Variants in RERE observed in about 807,000 individuals in gnomAD.
RERE encodes the protein arginine-glutamic acid dipeptide repeats protein.
In RERE, 40 loss-of-function variants were observed where a neutral mutation model predicts 146.1. The observed-to-expected ratio is 0.27, with a 90% CI of 0.21 to 0.36. The LOEUF is 0.36. RERE is among the 10% of genes least tolerant of loss of function. The probability of loss-of-function intolerance (pLI) is 1.00; values close to 1 mark genes in which losing one functional copy is unlikely to be tolerated. For missense variants in RERE, 1,933 were observed against 2,138.7 expected (o/e 0.90, Z 1.90); for synonymous variants, 1,003 against 866.0 (o/e 1.16, Z -2.78).
At chr1:8,392,012 G>A (rs912185341) in intron 12 of RERE, among the ~76,000 whole-genome samples, 1 of 152,188 alleles carries the variant, frequency 6.6e-6, no homozygotes, top group African/African-American at 2.4e-5. Flanking sequence ...GGACAGCAGA[G>A]TGAGACTCTG....
At position 8,375,911 on chromosome 1, in the gene RERE, T is replaced by A. The variant is rs557219439; in HGVS notation, c.1285-9937A>T. Reference sequence around the variant, plus strand: ...CTAAGCTAAGCCATATCTTTTTATATCTTAATATATATTTATCTTTTACAT... The same window carrying A: ...CTAAGCTAAGCCATATCTTTTTATAACTTAATATATATTTATCTTTTACAT... On this transcript the variant is annotated intron_variant, in intron 12 of 22. Coordinates refer to ENST00000400908, the MANE Select transcript of RERE (RefSeq NM_001042681.2). 3.9e-5 allele frequency among the ~76,000 whole-genome samples: 6 copies of A among 152,382 alleles called. No homozygotes were observed. The South Asian group carries it at 1.2e-3, about 32-fold the overall frequency.
At chr1:8,376,854 A>C (rs927786586) in intron 12 of RERE, among the ~76,000 whole-genome samples, 4 of 152,250 alleles carry the variant, frequency 2.6e-5, no homozygotes, top group African/African-American at 9.6e-5. Flanking sequence ...CTGCGGCTCA[A>C]AACCGTACAG....
chr1:8,426,113 C>T (rs1570213682), intron 11 of RERE, among the ~76,000 whole-genome samples: 1 of 152,170 alleles, frequency 6.6e-6, no homozygotes, highest in East Asian at 1.9e-4. Context: ...GTACTTTCCT[C>T]TTCTCGGGTC....
chr1:8,661,234 A>C lies in RERE; in HGVS notation c.-144-4793T>G, dbSNP rs180772108. Among the ~76,000 whole-genome samples, 400 of 152,298 alleles carry C rather than the reference A, an allele frequency of 2.6e-3. 2 individuals are homozygous for C. The highest frequency in any genetic ancestry group is 9.1e-3 in the African/African-American group (380 of 41,554). On this transcript the variant is annotated intron_variant, in intron 1 of 22. Coordinates refer to ENST00000400908, the MANE Select transcript of RERE (RefSeq NM_001042681.2). Reference sequence around the variant, plus strand: ...GAGGGGAAAAAGTGCAAGGTCCAGAAGCAGGAATGAGCCAGGCCCACTCAA... The same window carrying C: ...GAGGGGAAAAAGTGCAAGGTCCAGACGCAGGAATGAGCCAGGCCCACTCAA...
intron 4 of RERE, among the ~76,000 whole-genome samples, chr1:8,601,668 ACAC>A (rs1310378216): frequency 1.1e-4 from 15 of 130,838 alleles, no homozygotes; most frequent in African/African-American, 4.0e-4. Context: ...ACACACACAC[ACAC>A]ATCTTCCTTC....
At position 8,448,484 on chromosome 1, in the gene RERE, C is replaced by T. The variant is rs543892610; in HGVS notation, c.1203+17441G>A. 5.3e-5 allele frequency among the ~76,000 whole-genome samples: 8 copies of T among 152,214 alleles called. No homozygotes were observed. The South Asian group carries it at 1.7e-3, about 32-fold the overall frequency. On this transcript the variant is annotated intron_variant, in intron 11 of 22. Coordinates refer to ENST00000400908, the MANE Select transcript of RERE (RefSeq NM_001042681.2). ...AAAAGGGGGAAAAAAAAAGGCCAGG[C>T]GCAGTGGCTCACGCCTGTAATCCCA... is the stretch of plus-strand genomic sequence containing the variant.
chr1:8,447,198 C>CT (rs1422423156), intron 11 of RERE, among the ~76,000 whole-genome samples: 2 of 151,552 alleles, frequency 1.3e-5, no homozygotes, highest in Admixed American at 6.6e-5. Flanking sequence ...TTCCTCTAAC[C>CT]TTTTTTCAAG....
intron 12 of RERE, among the ~76,000 whole-genome samples, chr1:8,377,511 G>A (rs1317379972): frequency 6.6e-6 from 1 of 151,892 alleles, no homozygotes; most frequent in Non-Finnish European, 1.5e-5. Flanking sequence ...TCAGAAACAG[G>A]GCAAGTGGGA....
At chr1:8,620,280 A>G (rs1646901640) in intron 3 of RERE, among the ~76,000 whole-genome samples, 1 of 152,164 alleles carries the variant, frequency 6.6e-6, no homozygotes, top group South Asian at 2.1e-4. Flanking sequence ...TGGGAAGAAC[A>G]TCAGTGCAGT....
intron 11 of RERE, among the ~76,000 whole-genome samples, chr1:8,458,343 A>T (rs775727793): frequency 2.6e-5 from 4 of 152,142 alleles, no homozygotes; most frequent in Admixed American, 2.0e-4. Flanking sequence ...CATGGCTTCA[A>T]TAACCCACTG....
chr1:8,627,525 C>G (rs992458687), intron 2 of RERE, among the ~76,000 whole-genome samples: 4 of 150,950 alleles, frequency 2.6e-5, no homozygotes, highest in Non-Finnish European at 5.9e-5. Context: ...TTGCTTGAAC[C>G]CAGGAGGCGG....
At chr1:8,428,260 C>T (rs923326378) in intron 11 of RERE, among the ~76,000 whole-genome samples, 5 of 152,178 alleles carry the variant, frequency 3.3e-5, no homozygotes, top group African/African-American at 7.2e-5. Flanking sequence ...CACTCTCAGA[C>T]GCACGAACTG....
chr1:8,479,403 A>G (rs7551849), intron 10 of RERE, among the ~76,000 whole-genome samples: 89,000 of 151,762 alleles, frequency 0.59, 26,700 homozygotes, highest in East Asian at 0.83. Flanking sequence ...GACCACCAGA[A>G]GATATACACA....
At chr1:8,703,725 C>T (rs1639508130) in intron 1 of RERE, among the ~76,000 whole-genome samples, 1 of 152,224 alleles carries the variant, frequency 6.6e-6, no homozygotes, top group Non-Finnish European at 1.5e-5. Context: ...GCATTTCACA[C>T]ATCCTAGAGC....
Position 8,628,987 on chromosome 1 carries a change from T to C in RERE, c.326-4607A>G, listed in dbSNP as rs757043647. On this transcript the variant is annotated intron_variant, in intron 2 of 22. Transcript: ENST00000400908. ...CAGTTCTGAAAGAACTGCACAAAGC[T>C]GATGTGATCCACCAAATGCATAATG... Among the ~76,000 whole-genome samples the C allele has an allele frequency of 2.6e-5, 4 of 152,210 alleles. No homozygotes were observed. In the South Asian group the frequency reaches 8.3e-4, roughly 32 times the overall value.
chr1:8,716,299 CAAAAAA>C (rs34590852), intron 1 of RERE, among the ~76,000 whole-genome samples: 3 of 109,584 alleles, frequency 2.7e-5, no homozygotes, highest in East Asian at 2.6e-4. Context: ...CTCATCTCTA[CAAAAAA>C]AAAAAAAAAA....
At chr1:8,387,410 A>G (rs1280079962) in intron 12 of RERE, among the ~76,000 whole-genome samples, 1 of 152,220 alleles carries the variant, frequency 6.6e-6, no homozygotes, top group East Asian at 1.9e-4. Context: ...TGACCAAGAG[A>G]GATTTCTAAC....
At position 8,741,523 on chromosome 1, in the gene RERE, G is replaced by C. The variant is rs534123912; in HGVS notation, c.-145+75637C>G. Among the ~76,000 whole-genome samples the C allele has an allele frequency of 7.3e-4, 111 of 152,276 alleles. 2 individuals carry two copies. In the South Asian group the frequency reaches 0.018, roughly 25 times the overall value. ...AGCCGGTTTCTCCCATGCTGTTCTC[G>C]TGATGGTCAGTGAGTTCTCATAAGA... On this transcript the variant is annotated intron_variant, in intron 1 of 22. Transcript: ENST00000400908.
intron 1 of RERE, among the ~76,000 whole-genome samples, chr1:8,716,256 A>G (rs1353018747): frequency 6.7e-6 from 1 of 148,868 alleles, no homozygotes; most frequent in East Asian, 2.0e-4. Flanking sequence ...TGAGCTCAGG[A>G]GTTCAAGTCC....
Sources: gnomAD v4.1 joint callset for allele counts (sites outside exome capture counted in the v4.1 genomes callset) on GRCh38, gnomAD v4.1.1 for gene constraint, MANE v1.5 for transcripts, NCBI Gene and HGNC (gene_info 2026-07-23, HGNC 2026-07-21) for gene names.